The following XYLB variants were observed in gnomAD, a reference collection of about 807,000 sequenced individuals.
The protein encoded by XYLB is xylulokinase, also known as xylulose kinase.
Under a neutral mutation model 78.7 loss-of-function variants are expected in XYLB, and 62 were observed. That is an observed-to-expected ratio of 0.79 (90% CI 0.64 to 0.97). XYLB has a LOEUF of 0.97. Among genes scored for constraint, XYLB ranks in the 50% least tolerant of loss-of-function variants. The pLI is 0.00. For missense variants in XYLB, 687 were observed against 676.8 expected (o/e 1.02, Z -0.17); for synonymous variants, 245 against 247.4 (o/e 0.99, Z 0.09).
the XYLB span, among the ~76,000 whole-genome samples, chr3:38,426,557 C>G: frequency 1.3e-5 from 2 of 152,180 alleles, no homozygotes; most frequent in Admixed American, 1.3e-4. Context: ...TAAAATGGAT[C>G]AAGACACTTG....
chr3:38,370,075 G>T lies in XYLB; in HGVS notation c.666G>T (p.Leu222Phe). 6.2e-7 allele frequency: 1 copy of T among 1,614,098 alleles called. No individual in the cohort carries two copies. The highest frequency in any genetic ancestry group is 1.1e-5 in the South Asian group (1 of 91,072). ...DYSDGSGMNL[L>F]QIQDKVWSQA... is the part of the protein sequence containing the mutation. ...CCTCAGGTTCTGGAATGAATTTGTT[G>T]CAGATACAGGATAAAGTCTGGTCCC... Residue 222 changes from leucine (L) to phenylalanine (F), a missense_variant, in exon 9 of 19, where the codon TTG becomes TTT. Leu to Phe is a conservative substitution (Grantham distance 22, BLOSUM62 0). Transcript: ENST00000207870.
the XYLB span, among the ~76,000 whole-genome samples, chr3:38,437,013 A>ATAATAG: frequency 2.5e-4 from 31 of 125,808 alleles, no homozygotes; most frequent in African/African-American, 7.9e-4. Flanking sequence ...AAAAATAATA[A>ATAATAG]TAATAATAAT....
At position 38,379,263 on chromosome 3, in the gene XYLB, G is replaced by A; in HGVS notation, c.1212G>A (p.Gly404=). The A allele has an allele frequency of 6.2e-7, 1 of 1,614,076 alleles. No individual in the cohort carries two copies. Among genetic ancestry groups the A allele is most frequent in the African/African-American group, 1.3e-5 (1 of 75,014 alleles). Residue 404 remains glycine (G), a synonymous_variant, in exon 15 of 19, where the codon GGG becomes GGA. Transcript: ENST00000207870. ...GGAGACAGGTTGCAGCATTCCCTGG[G>A]GATGTGGAGGTTCGAGCACTAATTG... ...TENHKVAAFP[G]DVEVRALIEG...
At chr3:38,429,051 C>G in the XYLB span, among the ~76,000 whole-genome samples, 1 of 152,186 alleles carries the variant, frequency 6.6e-6, no homozygotes, top group South Asian at 2.1e-4. Context: ...AGCTACCTTG[C>G]TCAAGGTCAT....
chr3:38,388,172 T>TTG (rs557366189), intron 15 of XYLB, among the ~76,000 whole-genome samples: 11 of 51,772 alleles, frequency 2.1e-4, no homozygotes, highest in East Asian at 8.7e-4. Context: ...TTTTTTTGTT[T>TTG]TTTTTTTTTT....
chr3:38,380,301 A>G (rs196376), intron 15 of XYLB, among the ~76,000 whole-genome samples: 79,824 of 151,978 alleles, frequency 0.53, 21,473 homozygotes, highest in Middle Eastern at 0.72. Context: ...AGGAGGAGAA[A>G]GGGATTTCTG....
In XYLB at chr3:38,374,558, C is replaced by G. The variant is rs1213081608; in HGVS notation, c.888+56C>G. 6 of 1,611,036 alleles carry G rather than the reference C, an allele frequency of 3.7e-6. No individual in the cohort carries two copies. In the African/African-American group the frequency reaches 8.0e-5, roughly 22 times the overall value. On this transcript the variant is annotated intron_variant, in intron 11 of 18. Transcript: ENST00000207870. The stretch of plus-strand genomic sequence containing the variant: ...TTCTGTTTCCACACTCACACCCACA[C>G]TCTGATAAGTAGCAGAGGTGCTGCT...
At chr3:38,425,782 C>T (rs529080403), downstream of XYLB, among the ~76,000 whole-genome samples, 67 of 152,324 alleles carry the variant, frequency 4.4e-4, no homozygotes, top group South Asian at 1.7e-3. Context: ...ACCCAAGGAC[C>T]TCCCACTTGC....
At chr3:38,442,256 C>T in the XYLB span, among the ~76,000 whole-genome samples, 1 of 152,108 alleles carries the variant, frequency 6.6e-6, no homozygotes, top group Non-Finnish European at 1.5e-5. Flanking sequence ...ATGCTTTGTA[C>T]CCTTGATTAG....
chr3:38,387,221 A>G (rs1232813616), intron 15 of XYLB, among the ~76,000 whole-genome samples: 1 of 151,648 alleles, frequency 6.6e-6, no homozygotes, highest in Non-Finnish European at 1.5e-5. Flanking sequence ...TATTTCTTCA[A>G]ATATTTATTT....
At chr3:38,375,075 G>A (rs1045833036) in intron 11 of XYLB, 69 bp from the exon 12 acceptor site, 30 of 1,250,314 alleles carry the variant, frequency 2.4e-5, no homozygotes, top group Admixed American at 9.7e-5. Context: ...GGAGTACAGC[G>A]CGTCGCTGGC....
intron 15 of XYLB, among the ~76,000 whole-genome samples, chr3:38,384,795 T>C (rs1707309160): frequency 6.6e-6 from 1 of 152,192 alleles, no homozygotes; most frequent in East Asian, 1.9e-4. Flanking sequence ...AATGGCAATT[T>C]CATATGGTTC....
chr3:38,372,861 C>A, intron 10 of XYLB, 125 bp downstream of exon 10: 1 of 1,065,854 alleles, frequency 9.4e-7, no homozygotes, highest in Non-Finnish European at 1.4e-6. Flanking sequence ...CCCACCCATG[C>A]TGGATGTTTG....
chr3:38,366,950 C>T (rs561633645), intron 7 of XYLB, 77 bp downstream of exon 7: 304 of 978,938 alleles, frequency 3.1e-4, no homozygotes, highest in South Asian at 7.0e-4. Context: ...ATACATCTTA[C>T]GTGCAGTGAC....
At chr3:38,440,363 G>A in the XYLB span, among the ~76,000 whole-genome samples, 1 of 152,190 alleles carries the variant, frequency 6.6e-6, no homozygotes, top group Non-Finnish European at 1.5e-5. Flanking sequence ...AGTACTTTAA[G>A]GTTTGGCTGA....
At chr3:38,446,613 C>A in the XYLB span, among the ~76,000 whole-genome samples, 1 of 152,092 alleles carries the variant, frequency 6.6e-6, no homozygotes, top group Non-Finnish European at 1.5e-5. Context: ...GAAATAAAGC[C>A]ACATATTTAT....
At chr3:38,376,278 C>T (rs1706851046) in intron 13 of XYLB, 46 bp downstream of exon 13, 8 of 1,415,816 alleles carry the variant, frequency 5.7e-6, no homozygotes, top group Non-Finnish European at 8.0e-6. Flanking sequence ...TCAGCAGCTG[C>T]CGACTGGAGG....
At chr3:38,371,007 G>C (rs982549893) in intron 9 of XYLB, among the ~76,000 whole-genome samples, 3 of 152,208 alleles carry the variant, frequency 2.0e-5, no homozygotes, top group Admixed American at 1.3e-4. Flanking sequence ...AAGGGACAAG[G>C]GCACCCTGAG....
At chr3:38,396,565 T>G (rs75523015) in intron 16 of XYLB, among the ~76,000 whole-genome samples, 4,860 of 152,274 alleles carry the variant, frequency 0.032, 228 homozygotes, top group East Asian at 0.18. Flanking sequence ...TGGCATCTAC[T>G]ACAATATCTC....
Sources: gnomAD v4.1 joint callset for allele counts (sites outside exome capture counted in the v4.1 genomes callset) on GRCh38, gnomAD v4.1.1 for gene constraint, MANE v1.5 for transcripts, NCBI Gene and HGNC (gene_info 2026-07-23, HGNC 2026-07-21) for gene names.